Variants in MPRIP observed in about 807,000 individuals in gnomAD.
MPRIP encodes myosin phosphatase Rho interacting protein.
A neutral mutation model predicts 234.9 loss-of-function variants in MPRIP; 59 were observed. That is an observed-to-expected ratio of 0.25 (90% confidence interval 0.20 to 0.31). The LOEUF (loss-of-function observed/expected upper bound fraction) is 0.31, where lower values mean the gene tolerates loss of function less well. Ranked by LOEUF, MPRIP falls within the 10% of genes least tolerant of loss-of-function variation. The probability of loss-of-function intolerance (pLI) is 1.00; values close to 1 mark genes in which losing one functional copy is unlikely to be tolerated. For missense variants in MPRIP, 2,436 were observed against 3,071.0 expected (o/e 0.79, Z 4.89); for synonymous variants, 1,144 against 1,263.9 (o/e 0.91, Z 2.01).
chr17:17,085,065 C>G (rs1477056563), intron 3 of MPRIP, among the ~76,000 whole-genome samples: 1 of 152,130 alleles, frequency 6.6e-6, no homozygotes, highest in Admixed American at 6.5e-5. Flanking sequence ...TCAGCCTTGC[C>G]CTGGCCTTTG....
At chr17:17,150,763 A>G (rs892743485) in intron 12 of MPRIP, among the ~76,000 whole-genome samples, 3 of 151,822 alleles carry the variant, frequency 2.0e-5, no homozygotes, top group African/African-American at 7.2e-5. Context: ...TGTTTCTTCA[A>G]AACTGTGTGG....
intron 3 of MPRIP, chr17:17,097,098 G>C (rs1479300894): frequency 5.2e-6 from 1 of 191,188 alleles, no homozygotes; most frequent in East Asian, 1.3e-4. Flanking sequence ...GGCAGGATCA[G>C]CCAAAGCAGA....
At chr17:17,064,567 A>C (rs1043888194) in intron 1 of MPRIP, among the ~76,000 whole-genome samples, 1 of 152,092 alleles carries the variant, frequency 6.6e-6, no homozygotes, top group Non-Finnish European at 1.5e-5. Flanking sequence ...ACATCAACCC[A>C]ACCCCAGCCA....
intron 22 of MPRIP, 67 bp from the exon 23 acceptor site, chr17:17,179,936 A>G: frequency 7.8e-7 from 1 of 1,274,874 alleles, no homozygotes; most frequent in South Asian, 1.3e-5. Context: ...TTCAGGATTT[A>G]GTCTGGTTCC....
At chr17:17,049,702 C>T (rs145060451) in intron 1 of MPRIP, among the ~76,000 whole-genome samples, 3 of 152,124 alleles carry the variant, frequency 2.0e-5, no homozygotes, top group Non-Finnish European at 2.9e-5. Context: ...CAGGCAAAAT[C>T]GAGGAGGTTG....
chr17:17,157,843 C>A (rs1296682916), intron 13 of MPRIP, among the ~76,000 whole-genome samples: 60 of 149,592 alleles, frequency 4.0e-4, no homozygotes, highest in East Asian at 9.8e-4. Flanking sequence ...AAAAAAAAAA[C>A]AAAACATAGA....
intron 1 of MPRIP, among the ~76,000 whole-genome samples, chr17:17,073,278 TC>T (rs1385483864): frequency 2.6e-5 from 4 of 152,126 alleles, no homozygotes; most frequent in Non-Finnish European, 5.9e-5. Flanking sequence ...TCTGTGGTGA[TC>T]CATATCAGGA....
intron 13 of MPRIP, among the ~76,000 whole-genome samples, chr17:17,155,091 C>T (rs545733464): frequency 1.3e-5 from 2 of 152,312 alleles, no homozygotes; most frequent in South Asian, 4.1e-4. Flanking sequence ...CTGCTGTCCC[C>T]ACCTTCAGAG....
At chr17:17,119,239 C>A (rs922122384) in intron 3 of MPRIP, among the ~76,000 whole-genome samples, 2 of 152,246 alleles carry the variant, frequency 1.3e-5, no homozygotes, top group Non-Finnish European at 2.9e-5. Flanking sequence ...TGCAGCACAG[C>A]CCACCAGCCC....
intron 11 of MPRIP, among the ~76,000 whole-genome samples, chr17:17,147,718 T>C (rs912445700): frequency 8.5e-5 from 13 of 152,166 alleles, no homozygotes; most frequent in Non-Finnish European, 1.9e-4. Flanking sequence ...AACACTGAAA[T>C]TTGAAAACTC....
chr17:17,166,399 C>G lies in MPRIP; in HGVS notation c.4808C>G (p.Pro1603Arg). 1.5e-6 allele frequency: 2 copies of G among 1,304,510 alleles called. No homozygotes were observed. Among genetic ancestry groups the G allele is most frequent in the Middle Eastern group, 2.1e-4 (1 of 4,700 alleles). The allele number at this position is 1,304,510 out of a possible 1,614,324, so 80.8% of individuals were successfully genotyped here. ...CATGAGATTTCTTGGTCAGGACAGC[C>G]ACCGATGGAATCTGCTGGGGCCCCC... ...MLHEISWSGQ[P>R]PMESAGAPVD... The change falls in exon 16 of 24, where the codon CCA becomes CGA. Residue 1603 changes from proline to arginine, a missense_variant. Transcript: ENST00000651222. The surrounding 1 kb of genome is among the most constrained non-coding windows in gnomAD (Gnocchi z 4.4).
chr17:17,147,473 G>T (rs1404281027), intron 11 of MPRIP, 86 bp downstream of exon 11: 1 of 1,284,444 alleles, frequency 7.8e-7, no homozygotes, highest in Non-Finnish European at 1.1e-6. Context: ...CTTCCCCCTG[G>T]GCTAATGTCC....
intron 7 of MPRIP, among the ~76,000 whole-genome samples, chr17:17,141,252 T>C (rs2090809870): frequency 1.3e-5 from 2 of 152,174 alleles, no homozygotes; most frequent in South Asian, 4.1e-4. Context: ...CTCACCAAGA[T>C]CCCACCACAA....
intron 4 of MPRIP, among the ~76,000 whole-genome samples, chr17:17,129,821 G>A (rs2090562213): frequency 1.3e-5 from 2 of 152,234 alleles, no homozygotes; most frequent in South Asian, 4.1e-4. Context: ...AGTTTTAAGT[G>A]CAGCCTTCTG....
At chr17:17,086,166 A>C (rs916850014) in intron 3 of MPRIP, among the ~76,000 whole-genome samples, 1 of 152,192 alleles carries the variant, frequency 6.6e-6, no homozygotes, top group South Asian at 2.1e-4. Flanking sequence ...TCTCAGGCAC[A>C]CGGAGGCTTG....
intron 1 of MPRIP, among the ~76,000 whole-genome samples, chr17:17,066,384 T>C (rs563221008): frequency 6.6e-6 from 1 of 152,334 alleles, no homozygotes; most frequent in East Asian, 1.9e-4. Flanking sequence ...TTTTTCTGCA[T>C]CAGTTGATAG....
At chr17:17,091,537 T>A (rs1426425158) in intron 3 of MPRIP, among the ~76,000 whole-genome samples, 1 of 152,170 alleles carries the variant, frequency 6.6e-6, no homozygotes, top group Non-Finnish European at 1.5e-5. Flanking sequence ...TATTAGGTGC[T>A]GGGTGACTGG....
intron 16 of MPRIP, 177 bp from the exon 17 acceptor site, chr17:17,171,541 A>G (rs2046134687): frequency 1.4e-6 from 1 of 698,602 alleles, no homozygotes; most frequent in Admixed American, 2.9e-5. Context: ...GGCATTGCTG[A>G]GAATCCCCAG....
At chr17:17,049,126 A>G (rs1218050093) in intron 1 of MPRIP, among the ~76,000 whole-genome samples, 1 of 152,262 alleles carries the variant, frequency 6.6e-6, no homozygotes, top group Non-Finnish European at 1.5e-5. Flanking sequence ...TAAAATGTCC[A>G]AAACAGGTAA....
Sources: allele counts gnomAD v4.1 joint callset (sites outside exome capture counted in the v4.1 genomes callset), GRCh38; gene constraint gnomAD v4.1.1; non-coding constraint Gnocchi (gnomAD v3.1); transcripts MANE v1.5; gene names NCBI Gene and HGNC (gene_info 2026-07-23, HGNC 2026-07-21).